The following ZNF816 variants were observed in gnomAD, a reference collection of about 807,000 sequenced individuals.
The protein encoded by ZNF816 is zinc finger protein 816A.
Under a neutral mutation model 8.3 loss-of-function variants are expected in ZNF816, and 11 were observed. That is an observed-to-expected ratio of 1.32 (90% CI 0.83 to 2.19). The LOEUF (loss-of-function observed/expected upper bound fraction) is 2.19, where lower values mean the gene tolerates loss of function less well. Ranked by LOEUF, ZNF816 falls within the 30% of genes most tolerant of loss-of-function variation. ZNF816 has a pLI of 0.00. For missense variants in ZNF816, 710 were observed against 779.3 expected (o/e 0.91, Z 1.06); for synonymous variants, 255 against 254.5 (o/e 1.00, Z -0.02).
chr19:52,958,456 G>T (rs947295562), intron 1 of ZNF816, among the ~76,000 whole-genome samples: 1 of 152,108 alleles, frequency 6.6e-6, no homozygotes, highest in Non-Finnish European at 1.5e-5. Context: ...TTCTGCAAGG[G>T]TTCAAGAACT....
Position 52,956,104 on chromosome 19 carries a change from C to A in ZNF816, c.-15G>T. On this transcript the variant is annotated splice_region_variant and 5_prime_UTR_variant, in exon 2 of 4. Transcript: ENST00000444460. The stretch of plus-strand genomic sequence containing the variant: ...TCACGTAACATGAGTCTTTGGAAAT[C>A]CTGTATGTTAAAAAAGCAAGAGATT... The A allele has an allele frequency of 1.2e-6, 2 of 1,600,802 alleles. No homozygotes were observed. Among genetic ancestry groups the A allele is most frequent in the Non-Finnish European group, 1.7e-6 (2 of 1,176,614 alleles).
In ZNF816 at chr19:52,951,151, C is replaced by T; in HGVS notation, c.624G>A (p.Gly208=). Residue 208 remains glycine, a synonymous_variant, in exon 4 of 4, where the codon GGG becomes GGA. Coordinates refer to ENST00000444460, the MANE Select transcript of ZNF816 (RefSeq NM_001202457.3). ...RLKTHISNKY[G]KNFLHSSFTQ... is the part of the protein sequence containing the mutation. ...TGAATGAAGAATGGAGGAAATTCTT[C>T]CCATACTTATTAGAAATATGAGTTT... is the stretch of plus-strand genomic sequence containing the variant. 6.2e-7 allele frequency: 1 copy of T among 1,614,146 alleles called. No homozygotes were observed. The highest frequency in any genetic ancestry group is 8.5e-7 in the Non-Finnish European group (1 of 1,180,026).
Position 52,958,242 on chromosome 19 carries a change from A to G in ZNF816, c.-15-2138T>C, listed in dbSNP as rs181188954. Among the ~76,000 whole-genome samples the G allele has an allele frequency of 2.0e-5, 3 of 152,332 alleles. No individual in the cohort carries two copies. In the East Asian group the frequency reaches 5.8e-4, roughly 29 times the overall value. On this transcript the variant is annotated intron_variant, in intron 1 of 3. Coordinates refer to ENST00000444460, the MANE Select transcript of ZNF816 (RefSeq NM_001202457.3). The stretch of plus-strand genomic sequence containing the variant: ...CCGGTACAGGACTTGCACTTAGTCA[A>G]TCAAGCTACAGTGACTTTACATCCA...
chr19:52,951,049 T>C lies in ZNF816; in HGVS notation c.726A>G (p.Ser242=). ...GGGTTATGTGGTGTCTCCTTAAGAG[T>C]GAGCTATAATTAAAGGCTTTGCCAC... The part of the protein sequence containing the change: ...NECGKAFNYS[S]LLRRHHITHS... The change falls in exon 4 of 4, where the codon TCA becomes TCG. Residue 242 remains serine, a synonymous_variant. Transcript: ENST00000444460. 6.2e-7 allele frequency: 1 copy of C among 1,613,978 alleles called. No individual in the cohort carries two copies.
intron 3 of ZNF816, 95 bp downstream of exon 3, chr19:52,952,656 T>A: frequency 6.3e-7 from 1 of 1,589,922 alleles, no homozygotes; most frequent in South Asian, 1.1e-5. Flanking sequence ...ATCAAAAGCA[T>A]GTATGGGGCA....
chr19:52,951,336 C>A lies in ZNF816; in HGVS notation c.439G>T (p.Ala147Ser), dbSNP rs144494652. 9.5e-5 allele frequency: 153 copies of A among 1,614,200 alleles called. No individual in the cohort carries two copies. The African/African-American group carries it at 1.9e-3, about 20-fold the overall frequency. ...TGATCTTTAATAGGCTTGTTTCCAG[C>A]ATGCCTGTGATCACTTCGGTCTGTA... ...GSTDRSDHRHAGNKPIKDQLG... is the reference protein window; with the variant it reads ...GSTDRSDHRHSGNKPIKDQLG... The change falls in exon 4 of 4, where the codon GCT (alanine) becomes TCT (serine). Residue 147 changes from alanine to serine, a missense_variant. Transcript: ENST00000444460.
Position 52,953,392 on chromosome 19 carries a change from C to CAAA in ZNF816, c.64-518_64-516dup, listed in dbSNP as rs572790920. 518 of 131,228 alleles carry CAAA rather than the reference C, an allele frequency of 3.9e-3. 6 individuals are homozygous for CAAA. The highest frequency in any genetic ancestry group is 0.015 in the African/African-American group (445 of 30,244). 8.1% of individuals were successfully genotyped at this position (131,228 alleles called of 1,614,324 possible). ...TGGGCTGCAGAGTAGGACTCCATCT[C>CAAA]AAAAAAAAAAAGAAAAAAAATATAT... On this transcript the variant is annotated intron_variant, in intron 2 of 3. Coordinates refer to ENST00000444460, the MANE Select transcript of ZNF816 (RefSeq NM_001202457.3).
intron 1 of ZNF816, chr19:52,960,167 C>T (rs890953432): frequency 4.6e-5 from 9 of 196,790 alleles, no homozygotes; most frequent in Non-Finnish European, 7.3e-5. Flanking sequence ...CGTGGCACAG[C>T]GGTGTGTTAC....
intron 1 of ZNF816, 39 bp from the exon 2 acceptor site, chr19:52,956,143 C>G: frequency 6.3e-7 from 1 of 1,582,320 alleles, no homozygotes; most frequent in Non-Finnish European, 8.6e-7. Context: ...TATTTAGAAA[C>G]CATTGACTCC....
chr19:52,962,098 T>C (rs1392142633), intron 1 of ZNF816, among the ~76,000 whole-genome samples: 1 of 152,068 alleles, frequency 6.6e-6, no homozygotes, highest in Admixed American at 6.5e-5. Flanking sequence ...ATTACGTAAA[T>C]TTTCTAAATT....
rs1027750291 is a variant in ZNF816 at position 52,957,812 on chromosome 19, G to A, written c.-15-1708C>T. Among the ~76,000 whole-genome samples, 9 of 152,164 alleles carry A rather than the reference G, an allele frequency of 5.9e-5. No individual in the cohort carries two copies. Among genetic ancestry groups the A allele is most frequent in the Non-Finnish European group, 1.2e-4 (8 of 68,038 alleles). On this transcript the variant is annotated intron_variant, in intron 1 of 3. Coordinates refer to ENST00000444460, the MANE Select transcript of ZNF816 (RefSeq NM_001202457.3). The surrounding 1 kb of genome is among the most constrained non-coding windows in gnomAD (Gnocchi z 4.6). ...AAGGACTTGAAAGGACTTGCTTAGC[G>A]AGCTGAGAGCCACCGTCTCTTCTAC... is the stretch of plus-strand genomic sequence containing the variant.
At chr19:52,961,509 A>C (rs2083556794) in intron 1 of ZNF816, among the ~76,000 whole-genome samples, 1 of 152,236 alleles carries the variant, frequency 6.6e-6, no homozygotes, top group Non-Finnish European at 1.5e-5. Context: ...CAAAAAAAAG[A>C]AGCCAACCCC....
chr19:52,956,314 A>G, intron 1 of ZNF816: 1 of 510,426 alleles, frequency 2.0e-6, no homozygotes, highest in Non-Finnish European at 3.4e-6. Flanking sequence ...CCCTCCTGGA[A>G]AAGTCCACAC....
intron 2 of ZNF816, among the ~76,000 whole-genome samples, chr19:52,955,031 T>C (rs558710485): frequency 6.6e-6 from 1 of 152,146 alleles, no homozygotes; most frequent in Non-Finnish European, 1.5e-5. Context: ...ATATACATCA[T>C]GTGATGTTTA....
chr19:52,954,460 A>G (rs901272446), intron 2 of ZNF816, among the ~76,000 whole-genome samples: 2 of 152,244 alleles, frequency 1.3e-5, no homozygotes, highest in African/African-American at 4.8e-5. Context: ...AGGATTTAAA[A>G]GAGTGAGCTA....
intron 1 of ZNF816, among the ~76,000 whole-genome samples, chr19:52,956,869 C>T (rs115870649): frequency 0.011 from 1,724 of 152,274 alleles, 27 homozygotes; most frequent in African/African-American, 0.04. Context: ...TACCACCTGG[C>T]CCCGGTGGTT....
intron 2 of ZNF816, among the ~76,000 whole-genome samples, chr19:52,954,059 G>C (rs2083489072): frequency 8.9e-6 from 1 of 112,098 alleles, no homozygotes; most frequent in Non-Finnish European, 1.8e-5. Context: ...AAAAAAAAAG[G>C]TATATATATA....
In ZNF816 at chr19:52,949,658, T is replaced by C; in HGVS notation, c.*161A>G. The C allele has an allele frequency of 8.9e-7, 1 of 1,121,648 alleles. No homozygotes were observed. Among genetic ancestry groups the C allele is most frequent in the Non-Finnish European group, 1.3e-6 (1 of 747,328 alleles). 69.5% of individuals were successfully genotyped at this position (1,121,648 alleles called of 1,614,324 possible). A position where few individuals can be genotyped will look rare whatever the true frequency, so the allele number is the denominator to read the frequency against. On this transcript the variant is annotated 3_prime_UTR_variant, in exon 4 of 4. Transcript: ENST00000444460. ...GAAGACCTTGTCACAGTCATGATAT[T>C]TGTAAGGTTTCTCTCCAGTATGAGT... is the stretch of plus-strand genomic sequence containing the variant.
rs754620563 is a variant in ZNF816 at position 52,954,040 on chromosome 19, C to CA, written c.64-1164dup. ...TGAGCAACAGACTGAGACTCTTTCT[C>CA]AAAAAAAAAAAAAAAAAGGTATATA... On this transcript the variant is annotated intron_variant, in intron 2 of 3. Coordinates refer to ENST00000444460, the MANE Select transcript of ZNF816 (RefSeq NM_001202457.3). Among the ~76,000 whole-genome samples, 232 of 94,600 alleles carry CA rather than the reference C, an allele frequency of 2.5e-3. 5 individuals carry two copies. In the East Asian group the frequency reaches 0.047, roughly 19 times the overall value. The allele number at this position is 94,600 out of a possible 152,430, so 62.1% of individuals were successfully genotyped here.
Sources: allele counts gnomAD v4.1 joint callset (sites outside exome capture counted in the v4.1 genomes callset), GRCh38; gene constraint gnomAD v4.1.1; non-coding constraint Gnocchi (gnomAD v3.1); transcripts MANE v1.5; gene names NCBI Gene and HGNC (gene_info 2026-07-23, HGNC 2026-07-21).